COMMD1: variants seen among roughly 807,000 people sequenced by gnomAD.
COMMD1 encodes copper metabolism domain containing 1, also known as COMM domain-containing protein 1.
A neutral mutation model predicts 17.2 loss-of-function variants in COMMD1; 10 were observed. That is an observed-to-expected ratio of 0.58 (90% CI 0.36 to 0.99). The LOEUF (loss-of-function observed/expected upper bound fraction) is 0.99. COMMD1 is among the 50% of genes least tolerant of loss of function. The pLI is 0.01. For missense variants in COMMD1, 270 were observed against 231.8 expected (o/e 1.17, Z -1.07); for synonymous variants, 97 against 91.6 (o/e 1.06, Z -0.34).
intron 2 of COMMD1, among the ~76,000 whole-genome samples, chr2:62,038,303 C>A (rs531156277): frequency 6.6e-6 from 1 of 152,000 alleles, no homozygotes; most frequent in African/African-American, 2.4e-5. Flanking sequence ...GCAACAGCAA[C>A]AAACAACAAC....
chr2:61,996,203 A>C (rs1241287698), intron 1 of COMMD1, among the ~76,000 whole-genome samples: 3 of 152,122 alleles, frequency 2.0e-5, no homozygotes, highest in Admixed American at 1.3e-4. Flanking sequence ...CCCAAAAAAA[A>C]CCTAAAAACT....
chr2:62,003,244 A>C (rs1376373275), intron 2 of COMMD1, among the ~76,000 whole-genome samples: 1 of 150,284 alleles, frequency 6.7e-6, no homozygotes, highest in African/African-American at 2.5e-5. Flanking sequence ...AAAAAAAAAC[A>C]AAACAAAACA....
At chr2:61,906,614 C>T (rs961515108) in intron 1 of COMMD1, among the ~76,000 whole-genome samples, 1 of 129,594 alleles carries the variant, frequency 7.7e-6, no homozygotes, top group African/African-American at 3.7e-5. Context: ...CTATTTAGAC[C>T]GAGAACTAGT....
chr2:61,915,074 G>A (rs1035944013), intron 1 of COMMD1, among the ~76,000 whole-genome samples: 2 of 149,468 alleles, frequency 1.3e-5, no homozygotes, highest in Admixed American at 6.7e-5. Flanking sequence ...GCATGATCTC[G>A]GCTCACTGCA....
chr2:61,907,079 T>G (rs1669792283), intron 1 of COMMD1, among the ~76,000 whole-genome samples: 1 of 152,240 alleles, frequency 6.6e-6, no homozygotes, highest in African/African-American at 2.4e-5. Flanking sequence ...ATATCAGTCA[T>G]AAATCACTAG....
At chr2:61,989,029 C>T (rs1426874313) in intron 1 of COMMD1, among the ~76,000 whole-genome samples, 2 of 152,100 alleles carry the variant, frequency 1.3e-5, no homozygotes, top group African/African-American at 2.4e-5. Flanking sequence ...AGGGTGGTGT[C>T]GGAAATTAAA....
At chr2:61,982,182 A>G (rs955075051) in intron 1 of COMMD1, among the ~76,000 whole-genome samples, 1 of 152,160 alleles carries the variant, frequency 6.6e-6, no homozygotes, top group Non-Finnish European at 1.5e-5. Context: ...GTTTTAAAAT[A>G]GTTTTCATTA....
chr2:61,940,217 A>C (rs1184458329), intron 1 of COMMD1, among the ~76,000 whole-genome samples: 1 of 152,168 alleles, frequency 6.6e-6, no homozygotes, highest in African/African-American at 2.4e-5. Flanking sequence ...GGGCTAAGGC[A>C]ATCTTTCTAG....
intron 2 of COMMD1, among the ~76,000 whole-genome samples, chr2:62,089,902 C>A (rs1671774926): frequency 1.3e-5 from 2 of 152,060 alleles, no homozygotes; most frequent in African/African-American, 4.8e-5. Context: ...AGGCTCATTC[C>A]TAGAGTTGTC....
At chr2:62,046,933 G>A (rs190510408) in intron 2 of COMMD1, among the ~76,000 whole-genome samples, 73 of 152,304 alleles carry the variant, frequency 4.8e-4, no homozygotes, top group African/African-American at 1.7e-3. Flanking sequence ...AGTAGTGGTG[G>A]TTATTCCTAC....
rs559127995 is a variant in COMMD1 at position 61,997,620 on chromosome 2, G to A, written c.181-3081G>A. On this transcript the variant is annotated intron_variant, in intron 1 of 2. Coordinates refer to ENST00000311832, the MANE Select transcript of COMMD1 (RefSeq NM_152516.4). ...AATTCAGCTGAGTATTTTAAATTCAGCAGGCCATGCTGTAAACAGATATGC... is the reference window on the plus strand; with the variant it reads ...AATTCAGCTGAGTATTTTAAATTCAACAGGCCATGCTGTAAACAGATATGC... Among the ~76,000 whole-genome samples, 17 of 152,284 alleles carry A rather than the reference G, an allele frequency of 1.1e-4. No individual in the cohort carries two copies. The South Asian group carries it at 3.3e-3, about 30-fold the overall frequency.
chr2:61,944,468 T>A (rs896745712), intron 1 of COMMD1, among the ~76,000 whole-genome samples: 4 of 151,274 alleles, frequency 2.6e-5, no homozygotes, highest in Non-Finnish European at 4.4e-5. Context: ...AAGAAAAAAA[T>A]ATAATAATAA....
intron 1 of COMMD1, among the ~76,000 whole-genome samples, chr2:61,896,110 G>T (rs1227331915): frequency 6.6e-6 from 1 of 152,190 alleles, no homozygotes; most frequent in African/African-American, 2.4e-5. Context: ...CCAATGCAAA[G>T]TTACATGGAT....
At chr2:62,024,858 A>AT (rs1669710755) in intron 2 of COMMD1, among the ~76,000 whole-genome samples, 1 of 152,242 alleles carries the variant, frequency 6.6e-6, no homozygotes, top group Non-Finnish European at 1.5e-5. Context: ...AGAAGCAGTC[A>AT]TTAATGCTAT....
intron 2 of COMMD1, among the ~76,000 whole-genome samples, chr2:62,035,788 T>C (rs1465263497): frequency 1.4e-5 from 2 of 147,096 alleles, no homozygotes; most frequent in African/African-American, 5.0e-5. Flanking sequence ...TGGTGGCTCA[T>C]GCCTGTAATT....
At chr2:61,945,154 G>C (rs949764201) in intron 1 of COMMD1, among the ~76,000 whole-genome samples, 1 of 152,134 alleles carries the variant, frequency 6.6e-6, no homozygotes, top group Non-Finnish European at 1.5e-5. Flanking sequence ...ATTGTTAATT[G>C]TAACTTTAGC....
intron 1 of COMMD1, among the ~76,000 whole-genome samples, chr2:61,939,297 CA>C (rs1194444288): frequency 0.094 from 6,132 of 65,266 alleles, 295 homozygotes; most frequent in African/African-American, 0.22. Context: ...ACTAAAAATA[CA>C]AAAAAAAAAA....
intron 2 of COMMD1, among the ~76,000 whole-genome samples, chr2:62,075,550 G>C (rs1449899580): frequency 6.6e-6 from 1 of 152,144 alleles, no homozygotes; most frequent in Non-Finnish European, 1.5e-5. Flanking sequence ...AATCATATGA[G>C]GTAAGCATTG....
At chr2:62,050,025 G>C (rs188166551) in intron 2 of COMMD1, among the ~76,000 whole-genome samples, 1 of 152,322 alleles carries the variant, frequency 6.6e-6, no homozygotes, top group East Asian at 1.9e-4. Context: ...AAGTAATCAA[G>C]ATAGGTATTT....
Sources: allele counts gnomAD v4.1 joint callset (sites outside exome capture counted in the v4.1 genomes callset), GRCh38; gene constraint gnomAD v4.1.1; transcripts MANE v1.5; gene names NCBI Gene and HGNC (gene_info 2026-07-23, HGNC 2026-07-21).